Variants in ATP8A2 observed in about 807,000 individuals in gnomAD.
The protein encoded by ATP8A2 is ATPase phospholipid transporting 8A2, also known as phospholipid-transporting ATPase IB.
A neutral mutation model predicts 165.6 loss-of-function variants in ATP8A2; 100 were observed. The observed-to-expected ratio is 0.60, with a 90% CI of 0.51 to 0.71. The LOEUF is 0.71. Ranked by LOEUF, ATP8A2 falls within the 30% of genes least tolerant of loss-of-function variation. ATP8A2 has a pLI of 0.00. For missense variants in ATP8A2, 1,227 were observed against 1,479.5 expected (o/e 0.83, Z 2.80); for synonymous variants, 543 against 548.8 (o/e 0.99, Z 0.15).
At chr13:25,959,164 G>A (rs747235812) in intron 33 of ATP8A2, among the ~76,000 whole-genome samples, 9 of 152,230 alleles carry the variant, frequency 5.9e-5, no homozygotes, top group Non-Finnish European at 1.3e-4. Context: ...AACAGGAGCT[G>A]GAAGGAGCAG....
At chr13:25,663,884 G>C (rs2042098811) in intron 24 of ATP8A2, among the ~76,000 whole-genome samples, 1 of 152,134 alleles carries the variant, frequency 6.6e-6, no homozygotes, top group Admixed American at 6.5e-5. Flanking sequence ...CAGAATGAGG[G>C]GAAAATATTC....
At chr13:25,473,607 C>G (rs1030099722) in intron 2 of ATP8A2, among the ~76,000 whole-genome samples, 3 of 152,140 alleles carry the variant, frequency 2.0e-5, no homozygotes, top group Non-Finnish European at 4.4e-5. Flanking sequence ...CAACTATCAT[C>G]ACAGTCAATT....
chr13:25,933,128 T>TCTG (rs1954808154), intron 33 of ATP8A2, among the ~76,000 whole-genome samples: 1 of 152,228 alleles, frequency 6.6e-6, no homozygotes, highest in Admixed American at 6.5e-5. Context: ...CCAAAGGGAT[T>TCTG]ACAGGCATGA....
chr13:25,926,053 A>G (rs983791691), intron 33 of ATP8A2, among the ~76,000 whole-genome samples: 2 of 152,198 alleles, frequency 1.3e-5, no homozygotes, highest in African/African-American at 4.8e-5. Flanking sequence ...GTAAATTTCC[A>G]TAATTAAATT....
chr13:25,644,717 A>G lies in ATP8A2; in HGVS notation c.2212-54456A>G, dbSNP rs371192477. Among the ~76,000 whole-genome samples the G allele has an allele frequency of 2.6e-5, 4 of 152,220 alleles. 1 individual carries two copies. The East Asian group carries it at 7.7e-4, about 29-fold the overall frequency. ...TTTAATAGAAGACTTCTTATTACTGATTCAATCTCCTCACTTGTTAGTGGT... is the reference window on the plus strand; with the variant it reads ...TTTAATAGAAGACTTCTTATTACTGGTTCAATCTCCTCACTTGTTAGTGGT... On this transcript the variant is annotated intron_variant, in intron 24 of 36. Transcript: ENST00000381655.
chr13:25,437,429 C>T (rs1385897625), intron 1 of ATP8A2, among the ~76,000 whole-genome samples: 1 of 151,964 alleles, frequency 6.6e-6, no homozygotes, highest in Non-Finnish European at 1.5e-5. Flanking sequence ...TAATAGAAAC[C>T]CTAATGTTTA....
chr13:25,757,013 C>T (rs73478880), intron 25 of ATP8A2, among the ~76,000 whole-genome samples: 1 of 152,104 alleles, frequency 6.6e-6, no homozygotes, highest in Non-Finnish European at 1.5e-5. Flanking sequence ...CCACCCTTCC[C>T]CCTCATTAAT....
chr13:25,939,445 C>T lies in ATP8A2; in HGVS notation c.3184-22130C>T, dbSNP rs114577394. Reference sequence around the variant, plus strand: ...CCAGGACGGAGGAGTCCGCAGCCTCCCTGAATCATTGCTCAGGCCTCTCTT... The same window carrying T: ...CCAGGACGGAGGAGTCCGCAGCCTCTCTGAATCATTGCTCAGGCCTCTCTT... On this transcript the variant is annotated intron_variant, in intron 33 of 36. Coordinates refer to ENST00000381655, the MANE Select transcript of ATP8A2 (RefSeq NM_016529.6). Among the ~76,000 whole-genome samples the T allele has an allele frequency of 7.0e-3, 1,064 of 152,312 alleles. 19 individuals carry two copies. The highest frequency in any genetic ancestry group is 0.024 in the African/African-American group (1,010 of 41,568).
intron 35 of ATP8A2, among the ~76,000 whole-genome samples, chr13:26,002,841 T>C (rs953301198): frequency 4.1e-5 from 6 of 145,526 alleles, no homozygotes; most frequent in Admixed American, 2.1e-4. Context: ...GGCTGAATAG[T>C]ATTCCACTGT....
chr13:25,813,799 A>G (rs1950940373), intron 27 of ATP8A2, among the ~76,000 whole-genome samples: 2 of 152,174 alleles, frequency 1.3e-5, no homozygotes, highest in Admixed American at 6.5e-5. Context: ...CTTAACATCT[A>G]AATAGGGAGA....
intron 28 of ATP8A2, among the ~76,000 whole-genome samples, chr13:25,836,387 G>A (rs181536392): frequency 6.6e-6 from 1 of 152,212 alleles, no homozygotes; most frequent in Non-Finnish European, 1.5e-5. Flanking sequence ...GCTTTGTAAG[G>A]GGTGCATCTC....
intron 33 of ATP8A2, among the ~76,000 whole-genome samples, chr13:25,943,350 A>C (rs1955124039): frequency 6.6e-6 from 1 of 152,204 alleles, no homozygotes; most frequent in African/African-American, 2.4e-5. Flanking sequence ...TCAACAGCAG[A>C]CCACACATAT....
chr13:25,602,612 T>C (rs755396859), intron 24 of ATP8A2, among the ~76,000 whole-genome samples: 6 of 152,158 alleles, frequency 3.9e-5, no homozygotes, highest in Admixed American at 2.0e-4. Flanking sequence ...AGGCCGATGC[T>C]CCCCACTGCA....
intron 27 of ATP8A2, among the ~76,000 whole-genome samples, chr13:25,795,152 T>G (rs1218752695): frequency 6.6e-6 from 1 of 152,188 alleles, no homozygotes; most frequent in Non-Finnish European, 1.5e-5. Context: ...CATATGTGAA[T>G]AGTAGCAGGG....
At chr13:25,859,848 T>C (rs1186413998) in intron 30 of ATP8A2, among the ~76,000 whole-genome samples, 12 of 152,172 alleles carry the variant, frequency 7.9e-5, no homozygotes, top group African/African-American at 2.9e-4. Context: ...AGCCCCAACA[T>C]CGATGGCACT....
intron 29 of ATP8A2, 140 bp downstream of exon 29, chr13:25,837,425 A>C (rs1299029211): frequency 6.5e-3 from 9 of 1,378 alleles, no homozygotes; most frequent in Admixed American, 0.029. Flanking sequence ...CCCCACCACC[A>C]CACACACACA....
chr13:25,984,609 AAC>A (rs1224747985), intron 35 of ATP8A2, among the ~76,000 whole-genome samples: 1 of 148,958 alleles, frequency 6.7e-6, no homozygotes, highest in African/African-American at 2.6e-5. Context: ...AAAAAAAAAA[AAC>A]AAACAAAAAC....
At chr13:25,742,673 C>G (rs976139387) in intron 25 of ATP8A2, among the ~76,000 whole-genome samples, 24 of 133,546 alleles carry the variant, frequency 1.8e-4, no homozygotes, top group African/African-American at 4.0e-4. Flanking sequence ...CTCTCTCTCT[C>G]TCTCTGTCTT....
chr13:26,000,354 T>C (rs1956608471), intron 35 of ATP8A2, among the ~76,000 whole-genome samples: 1 of 152,238 alleles, frequency 6.6e-6, no homozygotes, highest in South Asian at 2.1e-4. Flanking sequence ...AGTTATTTGC[T>C]GTGTACTCCA....
Sources: gnomAD v4.1 joint callset for allele counts (sites outside exome capture counted in the v4.1 genomes callset) on GRCh38, gnomAD v4.1.1 for gene constraint, MANE v1.5 for transcripts, NCBI Gene and HGNC (gene_info 2026-07-23, HGNC 2026-07-21) for gene names.